The following FAM118A variants were observed in gnomAD, a reference collection of about 807,000 sequenced individuals.
The protein encoded by FAM118A is SIR2 antiphage like 2.
A neutral mutation model predicts 38.2 loss-of-function variants in FAM118A; 25 were observed. That is an observed-to-expected ratio of 0.65 (90% CI 0.48 to 0.91). The LOEUF (loss-of-function observed/expected upper bound fraction) is 0.91, where lower values mean the gene tolerates loss of function less well. FAM118A is among the 40% of genes least tolerant of loss of function. FAM118A has a pLI of 0.00. For synonymous variants in FAM118A, 178 were observed against 184.1 expected (o/e 0.97, Z 0.27); for missense variants, 425 against 463.3 (o/e 0.92, Z 0.76).
intron 2 of FAM118A, 57 bp from the exon 3 acceptor site, chr22:45,323,116 TTG>T: frequency 6.4e-7 from 1 of 1,572,302 alleles, no homozygotes; most frequent in Non-Finnish European, 8.7e-7. Flanking sequence ...GTTCCAGACT[TTG>T]TGTTTGCAAT....
rs191237564 is a variant in FAM118A, at chr22:45,334,848, C to T, written c.938-502C>T. Among the ~76,000 whole-genome samples the T allele has an allele frequency of 5.6e-4, 86 of 152,262 alleles. No individual in the cohort carries two copies. In the East Asian group the frequency reaches 0.015, roughly 27 times the overall value. On this transcript the variant is annotated intron_variant, in intron 6 of 8. Transcript: ENST00000441876. ...CCCCCGTCCGCCGCTTCTCATTCCA[C>T]CCCCACACTCCCTGGAAGAACAGGA...
chr22:45,336,540 G>T, intron 8 of FAM118A, 129 bp downstream of exon 8: 1 of 670,568 alleles, frequency 1.5e-6, no homozygotes, highest in Non-Finnish European at 2.6e-6. Flanking sequence ...GTTCTGTCAG[G>T]GCCAGAGAGC....
At chr22:45,322,472 C>T (rs755221798) in intron 2 of FAM118A, 46 bp downstream of exon 2, 2 of 1,520,546 alleles carry the variant, frequency 1.3e-6, no homozygotes, top group South Asian at 2.4e-5. Context: ...TTGACTTCAT[C>T]TAGCGTCTCT....
Position 45,322,124 on chromosome 22 carries a change from C to T in FAM118A, c.-9-247C>T. ...CATCTGCTCCTGTGTGTGCGTTTTC[C>T]TTCTGTGCTGTCCCGTGTAGAACAG... On this transcript the variant is annotated intron_variant, in intron 1 of 8. Coordinates refer to ENST00000441876, the MANE Select transcript of FAM118A (RefSeq NM_017911.4). The T allele has an allele frequency of 2.9e-6, 4 of 1,389,224 alleles. No homozygotes were observed. The East Asian group carries it at 9.4e-5, about 33-fold the overall frequency. The allele number at this position is 1,389,224 out of a possible 1,614,324, so 86.1% of individuals were successfully genotyped here. A position where few individuals can be genotyped will look rare whatever the true frequency, so the allele number is the denominator to read the frequency against.
chr22:45,334,424 G>A (rs892516813), intron 6 of FAM118A, among the ~76,000 whole-genome samples: 16 of 152,100 alleles, frequency 1.1e-4, no homozygotes, highest in African/African-American at 3.6e-4. Flanking sequence ...TAAAGTTTTT[G>A]TTGTTTTTTT....
At chr22:45,336,059 G>T (rs2086070755) in intron 7 of FAM118A, among the ~76,000 whole-genome samples, 1 of 152,226 alleles carries the variant, frequency 6.6e-6, no homozygotes, top group Non-Finnish European at 1.5e-5. Context: ...CCATGTTAGT[G>T]GTGCAGGAAG....
At chr22:45,329,766 G>A (rs2085573121) in intron 4 of FAM118A, 1 of 152,248 alleles carries the variant, frequency 6.6e-6, no homozygotes. Context: ...CCCACTGCTG[G>A]GGCTTGCTGT....
chr22:45,309,801 T>TGAC (rs2084282384), upstream of FAM118A: 1 of 122,022 alleles, frequency 8.2e-6, no homozygotes, highest in Non-Finnish European at 2.0e-5. Flanking sequence ...CCAGAGGATC[T>TGAC]GGCGGCGGGG....
chr22:45,309,655 G>T (rs1004186922), upstream of FAM118A: 2 of 152,310 alleles, frequency 1.3e-5, no homozygotes, highest in Non-Finnish European at 2.9e-5. Context: ...GGCCAGGTAG[G>T]GCTAGGACGC....
At chr22:45,315,194 G>T (rs1434271258) in intron 1 of FAM118A, among the ~76,000 whole-genome samples, 1 of 152,110 alleles carries the variant, frequency 6.6e-6, no homozygotes, top group Non-Finnish European at 1.5e-5. Context: ...GGGTGTATAC[G>T]TCCAAGCAGC....
intron 5 of FAM118A, 99 bp downstream of exon 5, chr22:45,330,830 T>C: frequency 7.5e-7 from 1 of 1,335,388 alleles, no homozygotes; most frequent in Non-Finnish European, 9.7e-7. Context: ...GCTCCAGGCG[T>C]CCGTGCCCTT....
chr22:45,320,265 C>T (rs993823098), intron 1 of FAM118A, among the ~76,000 whole-genome samples: 1 of 152,088 alleles, frequency 6.6e-6, no homozygotes, highest in Non-Finnish European at 1.5e-5. Context: ...AGATCGAGAC[C>T]ATCCTGGCTA....
intron 1 of FAM118A, among the ~76,000 whole-genome samples, chr22:45,316,740 A>T (rs916962656): frequency 7.2e-5 from 11 of 152,200 alleles, no homozygotes; most frequent in African/African-American, 2.7e-4. Flanking sequence ...TCACAGTGGC[A>T]GTGGTAATAT....
rs547642378 is a variant in FAM118A, at chr22:45,314,292, G to C, written c.-10+4109G>C. Among the ~76,000 whole-genome samples, 48 of 152,304 alleles carry C rather than the reference G, an allele frequency of 3.2e-4. No individual in the cohort carries two copies. In the South Asian group the frequency reaches 4.4e-3, roughly 14 times the overall value. ...CTGGTCTTTTTCCTGGAGCTGCTCT[G>C]CCTGCCGCCTCTTCTATCTGCCTAA... On this transcript the variant is annotated intron_variant, in intron 1 of 8. Coordinates refer to ENST00000441876, the MANE Select transcript of FAM118A (RefSeq NM_017911.4).
chr22:45,330,913 G>A (rs1272861871), intron 5 of FAM118A, among the ~76,000 whole-genome samples, 182 bp downstream of exon 5: 4 of 152,170 alleles, frequency 2.6e-5, no homozygotes, highest in Admixed American at 6.5e-5. Context: ...CTGGGGTCCC[G>A]CATGGTGCCT....
In FAM118A at chr22:45,340,376, A is replaced by C. The variant is rs149231997; in HGVS notation, c.1055-10A>C. On this transcript the variant is annotated splice_polypyrimidine_tract_variant and intron_variant, in intron 8 of 8. Coordinates refer to ENST00000441876, the MANE Select transcript of FAM118A (RefSeq NM_017911.4). ...TAACCCTTGGGCATTTCATTCTTTT[A>C]TTTAAACAGATGATGCTGGAGGGTC... 6.0e-5 allele frequency: 97 copies of C among 1,614,144 alleles called. No homozygotes were observed. The highest frequency in any genetic ancestry group is 7.7e-5 in the Non-Finnish European group (91 of 1,180,006).
chr22:45,314,520 G>A (rs1475869212), intron 1 of FAM118A, among the ~76,000 whole-genome samples: 1 of 152,220 alleles, frequency 6.6e-6, no homozygotes, highest in African/African-American at 2.4e-5. Context: ...CAGCCCCGTG[G>A]GGGAAGTTGA....
intron 1 of FAM118A, among the ~76,000 whole-genome samples, chr22:45,319,447 G>A (rs753063206): frequency 6.6e-6 from 1 of 152,186 alleles, no homozygotes; most frequent in African/African-American, 2.4e-5. Flanking sequence ...CCCAAGTCCT[G>A]CCCCACAGCA....
At position 45,326,995 on chromosome 22, in the gene FAM118A, C is replaced by T. The variant is rs574114917; in HGVS notation, c.301-847C>T. Among the ~76,000 whole-genome samples, 43 of 151,116 alleles carry T rather than the reference C, an allele frequency of 2.8e-4. No homozygotes were observed. The South Asian group carries it at 8.6e-3, about 30-fold the overall frequency. On this transcript the variant is annotated intron_variant, in intron 3 of 8. Coordinates refer to ENST00000441876, the MANE Select transcript of FAM118A (RefSeq NM_017911.4). Reference sequence around the variant, plus strand: ...ACTCACTGCACTCCAGCCTGGGTGACAGAGTGAGACTCTGTCTCAAAAAAT... The same window carrying T: ...ACTCACTGCACTCCAGCCTGGGTGATAGAGTGAGACTCTGTCTCAAAAAAT...
Sources: gnomAD v4.1 joint callset for allele counts (sites outside exome capture counted in the v4.1 genomes callset) on GRCh38, gnomAD v4.1.1 for gene constraint, MANE v1.5 for transcripts, NCBI Gene and HGNC (gene_info 2026-07-23, HGNC 2026-07-21) for gene names.